USP28: variants seen among roughly 807,000 people sequenced by gnomAD.
USP28 encodes the protein ubiquitin specific peptidase 28.
A neutral mutation model predicts 145.0 loss-of-function variants in USP28; 113 were observed. The ratio of observed to expected loss-of-function variants is 0.78; its 90% confidence interval spans 0.67 to 0.91. The LOEUF is 0.91. Ranked by LOEUF, USP28 falls within the 40% of genes least tolerant of loss-of-function variation. The pLI is 0.00. For missense variants in USP28, 1,201 were observed against 1,289.6 expected (o/e 0.93, Z 1.05); for synonymous variants, 447 against 450.9 (o/e 0.99, Z 0.11).
exon 13 of USP28, chr11:113,817,811 G>A (rs1460769008): frequency 3.1e-6 from 5 of 1,614,060 alleles, no homozygotes; most frequent in Admixed American, 1.7e-5. Context: ...CGGGAACCGA[G>A]CTGGGCCTGA....
chr11:113,851,258 G>C (rs1421907770), intron 3 of USP28, among the ~76,000 whole-genome samples: 2 of 152,182 alleles, frequency 1.3e-5, no homozygotes, highest in African/African-American at 4.8e-5. Flanking sequence ...ATGGAAATCA[G>C]TTTATATCAT....
chr11:113,826,685 C>A (rs1235650321), intron 11 of USP28, among the ~76,000 whole-genome samples: 1 of 151,868 alleles, frequency 6.6e-6, no homozygotes, highest in Non-Finnish European at 1.5e-5. Context: ...TTTGGGAGGC[C>A]AAGGCAGGCG....
rs994390263 is a variant in USP28 at position 113,817,847 on chromosome 11, A to G, written c.1284-10T>C. 4 of 1,612,066 alleles carry G rather than the reference A, an allele frequency of 2.5e-6. No homozygotes were observed. The highest frequency in any genetic ancestry group is 3.4e-6 in the Non-Finnish European group (4 of 1,179,880). On this transcript the variant is annotated splice_polypyrimidine_tract_variant and intron_variant, in intron 12 of 24. Coordinates refer to ENST00000003302, the Ensembl canonical transcript of USP28. ...GCCATATTTCACATACCTAAGCGAC[A>G]AAGACAGTGGTACTCTACTGCCCAA... is the stretch of plus-strand genomic sequence containing the variant.
exon 10 of USP28, chr11:113,829,268 A>C: frequency 1.2e-6 from 2 of 1,614,140 alleles, no homozygotes; most frequent in Non-Finnish European, 1.7e-6. Flanking sequence ...GCCCCTTCCA[A>C]ACACTCGTCT....
chr11:113,855,535 C>G (rs1182326831), intron 1 of USP28, among the ~76,000 whole-genome samples: 1 of 152,190 alleles, frequency 6.6e-6, no homozygotes, highest in Non-Finnish European at 1.5e-5. Flanking sequence ...ATAATAGAAA[C>G]AGTATCTTAT....
At chr11:113,815,442 T>C (rs2135488991) in intron 13 of USP28, 60 bp from the exon 14 acceptor site, 1 of 1,510,278 alleles carries the variant, frequency 6.6e-7, no homozygotes, top group East Asian at 2.3e-5. Context: ...TGGCCTAAAT[T>C]ATGTACTTTG....
At chr11:113,871,971 C>T (rs1382550215) in intron 1 of USP28, among the ~76,000 whole-genome samples, 1 of 152,116 alleles carries the variant, frequency 6.6e-6, no homozygotes, top group African/African-American at 2.4e-5. Flanking sequence ...CACTGGGTGA[C>T]CTTGGACGAA....
chr11:113,810,127 G>C (rs781435032), intron 16 of USP28, among the ~76,000 whole-genome samples: 4 of 150,254 alleles, frequency 2.7e-5, no homozygotes, highest in Non-Finnish European at 4.4e-5. Context: ...AAAATCATTA[G>C]AGCCAATAAA....
intron 23 of USP28, among the ~76,000 whole-genome samples, chr11:113,802,654 A>G (rs998127798): frequency 3.3e-5 from 5 of 152,246 alleles, no homozygotes. Flanking sequence ...CAATGATGTT[A>G]TCAGAACAGC....
At chr11:113,853,522 T>C (rs1946710673) in intron 2 of USP28, among the ~76,000 whole-genome samples, 1 of 152,096 alleles carries the variant, frequency 6.6e-6, no homozygotes, top group Non-Finnish European at 1.5e-5. Context: ...TCGTAGATAT[T>C]CTGAATCAAA....
chr11:113,860,900 C>T (rs1029461821), intron 1 of USP28, among the ~76,000 whole-genome samples: 1 of 151,710 alleles, frequency 6.6e-6, no homozygotes, highest in African/African-American at 2.4e-5. Flanking sequence ...AGGCAGATCA[C>T]GAGGTCAGGA....
chr11:113,823,567 C>A (rs1424961567), intron 12 of USP28, 38 bp downstream of exon 12: 2 of 1,387,310 alleles, frequency 1.4e-6, no homozygotes, highest in South Asian at 1.3e-5. Context: ...TTTTAATATT[C>A]TTTTACATTT....
At position 113,815,282 on chromosome 11, in the gene USP28, T is replaced by C. The variant is rs950466739; in HGVS notation, c.1564A>G (p.Met522Val). 6 of 1,614,066 alleles carry C rather than the reference T, an allele frequency of 3.7e-6. No individual in the cohort carries two copies. Among genetic ancestry groups the C allele is most frequent in the Admixed American group, 1.7e-5 (1 of 59,992 alleles). ...GGAGCTGGCTGTGAAGGCATTTCCA[T>C]GGAAGACCGAGAAGATGTCAGTGGT... The change falls in exon 14 of 25, where the codon ATG becomes GTG. Residue 522 changes from methionine to valine, a missense_variant. Transcript: ENST00000003302.
intron 4 of USP28, among the ~76,000 whole-genome samples, chr11:113,841,086 G>A (rs1945145422): frequency 6.6e-6 from 1 of 152,042 alleles, no homozygotes; most frequent in Non-Finnish European, 1.5e-5. Flanking sequence ...CATCGAATAG[G>A]GCAGGAGAGA....
intron 12 of USP28, among the ~76,000 whole-genome samples, chr11:113,823,361 G>A (rs1481029052): frequency 6.6e-6 from 1 of 152,046 alleles, no homozygotes; most frequent in East Asian, 1.9e-4. Context: ...TTTCTCCTTG[G>A]TACACTGCAG....
At chr11:113,848,874 G>A (rs1241525909) in intron 3 of USP28, among the ~76,000 whole-genome samples, 1 of 152,160 alleles carries the variant, frequency 6.6e-6, no homozygotes, top group Non-Finnish European at 1.5e-5. Flanking sequence ...ACTGATTGCG[G>A]AGCGTTTACC....
chr11:113,849,231 T>A (rs961974344), intron 3 of USP28, among the ~76,000 whole-genome samples: 11 of 152,176 alleles, frequency 7.2e-5, no homozygotes, highest in Admixed American at 7.2e-4. Context: ...TGGAATTGTG[T>A]GAGGAACTGC....
At chr11:113,873,734 C>A (rs941265947) in intron 1 of USP28, among the ~76,000 whole-genome samples, 3 of 147,846 alleles carry the variant, frequency 2.0e-5, no homozygotes, top group Admixed American at 6.9e-5. Context: ...AAAATCTTGA[C>A]ACATTTCAAT....
intron 1 of USP28, among the ~76,000 whole-genome samples, chr11:113,863,875 G>C (rs1947983660): frequency 6.6e-6 from 1 of 150,568 alleles, no homozygotes; most frequent in Non-Finnish European, 1.5e-5. Flanking sequence ...AACCCGGGAG[G>C]CGGAGCTTGC....
Sources: allele counts gnomAD v4.1 joint callset (sites outside exome capture counted in the v4.1 genomes callset), GRCh38; gene constraint gnomAD v4.1.1; transcripts MANE v1.5; gene names NCBI Gene and HGNC (gene_info 2026-07-23, HGNC 2026-07-21).